The following SPPL2A variants were observed in gnomAD, a reference collection of about 807,000 sequenced individuals.
SPPL2A encodes the protein signal peptide peptidase like 2A, also known as signal peptide peptidase-like 2A.
A neutral mutation model predicts 63.8 loss-of-function variants in SPPL2A; 51 were observed. The ratio of observed to expected loss-of-function variants is 0.80; its 90% CI spans 0.64 to 1.01. The LOEUF is 1.01. Among genes scored for constraint, SPPL2A ranks in the 50% least tolerant of loss-of-function variants. SPPL2A has a pLI of 0.00. For missense variants in SPPL2A, 553 were observed against 622.7 expected, an observed-to-expected ratio of 0.89 and a Z score of 1.19; for synonymous variants, 188 against 205.8, an observed-to-expected ratio of 0.91 and a Z score of 0.74.
chr15:50,708,539 C>G (rs548957070), intron 14 of SPPL2A, among the ~76,000 whole-genome samples: 3 of 151,840 alleles, frequency 2.0e-5, no homozygotes, highest in Admixed American at 2.0e-4. Context: ...AACCCCGTCT[C>G]TAATAAAAAT....
chr15:50,761,921 G>T (rs2063014968), intron 1 of SPPL2A, among the ~76,000 whole-genome samples: 1 of 151,698 alleles, frequency 6.6e-6, no homozygotes, highest in Admixed American at 6.6e-5. Flanking sequence ...TACAGAGCAA[G>T]ACTCCATCTC....
At chr15:50,763,807 A>G (rs1188316393) in intron 1 of SPPL2A, among the ~76,000 whole-genome samples, 1 of 152,194 alleles carries the variant, frequency 6.6e-6, no homozygotes, top group Non-Finnish European at 1.5e-5. Flanking sequence ...CTGAGGCAGG[A>G]GAATTGCTTG....
intron 14 of SPPL2A, among the ~76,000 whole-genome samples, chr15:50,717,744 A>C (rs568644671): frequency 6.6e-5 from 10 of 152,120 alleles, no homozygotes; most frequent in South Asian, 2.1e-4. Context: ...GAGCCTCGGA[A>C]GACATGGTTC....
chr15:50,757,989 T>C (rs1416959851), intron 1 of SPPL2A, among the ~76,000 whole-genome samples: 3 of 61,330 alleles, frequency 4.9e-5, no homozygotes, highest in Non-Finnish European at 6.7e-5. Context: ...GTCTCAATTA[T>C]AAAAAAAAAA....
Position 50,705,392 on chromosome 15 carries a change from ATT to A in SPPL2A, c.*2406_*2407del. ...CTCATTTCGATGTAGTAAAAAAAAA[ATT>A]TTCTTTAACATTCTTCATAAAATGT... is the stretch of plus-strand genomic sequence containing the variant. On this transcript the variant is annotated 3_prime_UTR_variant, in exon 15 of 15. Transcript: ENST00000261854. 6.6e-6 allele frequency: 1 copy of A among 152,208 alleles called. No individual in the cohort carries two copies. The highest frequency in any genetic ancestry group is 2.4e-5 in the African/African-American group (1 of 41,542). The allele number at this position is 152,208 out of a possible 1,614,324, so 9.4% of individuals were successfully genotyped here.
chr15:50,728,668 G>T (rs1186235988), intron 10 of SPPL2A, among the ~76,000 whole-genome samples: 1 of 151,250 alleles, frequency 6.6e-6, no homozygotes, highest in Non-Finnish European at 1.5e-5. Flanking sequence ...TTTTGAAACG[G>T]AGTCTCACTC....
chr15:50,706,345 C>G lies in SPPL2A; in HGVS notation c.*1455G>C, dbSNP rs1195251122. The G allele has an allele frequency of 2.1e-5, 3 of 144,800 alleles. No homozygotes were observed. Among genetic ancestry groups the G allele is most frequent in the African/African-American group, 5.1e-5 (2 of 39,498 alleles). The allele number at this position is 144,800 out of a possible 1,614,324, so 9.0% of individuals were successfully genotyped here. On this transcript the variant is annotated 3_prime_UTR_variant, in exon 15 of 15. Coordinates refer to ENST00000261854, the MANE Select transcript of SPPL2A (RefSeq NM_032802.4). ...GCGGAGCTTGCAGTGAGCCGAGATC[C>G]CGCCACTGCACTCCAGCCTGGGCGA...
intron 8 of SPPL2A, 115 bp from the exon 9 acceptor site, chr15:50,732,799 T>A: frequency 1.5e-6 from 1 of 663,864 alleles, no homozygotes; most frequent in South Asian, 2.0e-5. Flanking sequence ...TATTCCTTTT[T>A]TTTTTTTAAG....
chr15:50,727,968 G>A lies in SPPL2A; in HGVS notation c.1090-1591C>T, dbSNP rs115146721. ...GGAACTAAGATAGAAATAGGAAGAC[G>A]AAAAATTTCTTAAGCACAAAAGAAA... On this transcript the variant is annotated intron_variant, in intron 10 of 14. Transcript: ENST00000261854. Among the ~76,000 whole-genome samples the A allele has an allele frequency of 5.9e-3, 904 of 152,208 alleles. 15 individuals carry two copies. The highest frequency in any genetic ancestry group is 0.021 in the African/African-American group (869 of 41,540).
intron 11 of SPPL2A, among the ~76,000 whole-genome samples, chr15:50,725,705 A>G (rs1371019304): frequency 1.3e-5 from 2 of 152,210 alleles, no homozygotes; most frequent in Non-Finnish European, 2.9e-5. Flanking sequence ...TGCTGGTATT[A>G]CAGGCATGAG....
Position 50,719,977 on chromosome 15 carries a change from T to A in SPPL2A, c.1451A>T (p.Lys484Met), listed in dbSNP as rs1567151487. 1 of 1,613,718 alleles carries A rather than the reference T, an allele frequency of 6.2e-7. No homozygotes were observed. The highest frequency in any genetic ancestry group is 8.5e-7 in the Non-Finnish European group (1 of 1,179,830). The change falls in exon 14 of 15, where the codon AAG (lysine) becomes ATG (methionine). Residue 484 changes from lysine to methionine, a missense_variant. Physicochemically the swap from Lys to Met is moderately conservative, Grantham distance 95. Coordinates refer to ENST00000261854, the MANE Select transcript of SPPL2A (RefSeq NM_032802.4). ...ITASVVAWRR[K>M]EMKKFWKGNS... Reference sequence around the variant, plus strand: ...ACCTTTCCAGAACTTTTTCATTTCCTTACGTCTCCAGGCAACAACTGAGGC... The same window carrying A: ...ACCTTTCCAGAACTTTTTCATTTCCATACGTCTCCAGGCAACAACTGAGGC...
intron 14 of SPPL2A, among the ~76,000 whole-genome samples, chr15:50,708,701 T>C (rs12913494): frequency 0.14 from 14,049 of 98,370 alleles, 747 homozygotes; most frequent in South Asian, 0.2. Context: ...TGAGACTCTG[T>C]CAAAAAAAAA....
chr15:50,736,633 G>C lies in SPPL2A; in HGVS notation c.830+11C>G. The stretch of plus-strand genomic sequence containing the variant: ...ACCAACATTATAAGATTTCCTGTAA[G>C]AGATACGTACGTGCATTGTCCATAT... On this transcript the variant is annotated intron_variant, in intron 7 of 14. Transcript: ENST00000261854. The C allele has an allele frequency of 7.1e-7, 1 of 1,416,570 alleles. No homozygotes were observed. The highest frequency in any genetic ancestry group is 9.9e-7 in the Non-Finnish European group (1 of 1,014,010). The allele number at this position is 1,416,570 out of a possible 1,614,324, so 87.8% of individuals were successfully genotyped here.
Position 50,707,443 on chromosome 15 carries a change from C to T in SPPL2A, c.*357G>A, listed in dbSNP as rs2062519185. On this transcript the variant is annotated 3_prime_UTR_variant, in exon 15 of 15. Coordinates refer to ENST00000261854, the MANE Select transcript of SPPL2A (RefSeq NM_032802.4). Reference sequence around the variant, plus strand: ...ATTTGCATAATTCTTTACAGTAAAACCCATTCAGAAATAGTAACTACTTGT... The same window carrying T: ...ATTTGCATAATTCTTTACAGTAAAATCCATTCAGAAATAGTAACTACTTGT... 5.9e-6 allele frequency: 1 copy of T among 169,822 alleles called. No homozygotes were observed. Among genetic ancestry groups the T allele is most frequent in the Admixed American group, 6.1e-5 (1 of 16,400 alleles). 10.5% of individuals were successfully genotyped at this position (169,822 alleles called of 1,614,324 possible).
At chr15:50,747,805 T>C (rs1296979290) in intron 4 of SPPL2A, among the ~76,000 whole-genome samples, 177 bp from the exon 5 acceptor site, 1 of 152,240 alleles carries the variant, frequency 6.6e-6, no homozygotes, top group African/African-American at 2.4e-5. Flanking sequence ...TGATATGCTT[T>C]GGTTTATAAA....
chr15:50,755,015 C>A (rs2062943546), intron 1 of SPPL2A, among the ~76,000 whole-genome samples: 1 of 148,850 alleles, frequency 6.7e-6, no homozygotes, highest in South Asian at 2.1e-4. Flanking sequence ...ACAAAAACAA[C>A]AACAAAAAAA....
intron 5 of SPPL2A, among the ~76,000 whole-genome samples, chr15:50,742,303 T>C (rs972813231): frequency 6.6e-6 from 1 of 151,984 alleles, no homozygotes; most frequent in Non-Finnish European, 1.5e-5. Flanking sequence ...GGCAGGAGAA[T>C]TGCTTGAACC....
At position 50,748,097 on chromosome 15, in the gene SPPL2A, G is replaced by A. The variant is rs756662875; in HGVS notation, c.450+16C>T. Reference sequence around the variant, plus strand: ...AGTATTTATAAACTTTATCTAATATGTAATTGCTAATTTACCTGGTTCATA... The same window carrying A: ...AGTATTTATAAACTTTATCTAATATATAATTGCTAATTTACCTGGTTCATA... On this transcript the variant is annotated intron_variant, in intron 4 of 14. Coordinates refer to ENST00000261854, the MANE Select transcript of SPPL2A (RefSeq NM_032802.4). 67 of 1,052,544 alleles carry A rather than the reference G, an allele frequency of 6.4e-5. No individual in the cohort carries two copies. Among genetic ancestry groups the A allele is most frequent in the Non-Finnish European group, 8.3e-5 (62 of 742,548 alleles). 65.2% of individuals were successfully genotyped at this position (1,052,544 alleles called of 1,614,324 possible).
Position 50,765,588 on chromosome 15 carries a change from G to T in SPPL2A, c.-55C>A. 8.0e-7 allele frequency: 1 copy of T among 1,243,400 alleles called. No homozygotes were observed. Among genetic ancestry groups the T allele is most frequent in the Non-Finnish European group, 1.0e-6 (1 of 962,048 alleles). 77.0% of individuals were successfully genotyped at this position (1,243,400 alleles called of 1,614,324 possible). A position where few individuals can be genotyped will look rare whatever the true frequency, so the allele number is the denominator to read the frequency against. On this transcript the variant is annotated 5_prime_UTR_variant, in exon 1 of 15. Transcript: ENST00000261854. The stretch of plus-strand genomic sequence containing the variant: ...CGGTGCGGCGCAGCTCACTCGGCGG[G>T]GTAGGCTCGGAGTCCCGCCGCTGCG...
Sources: allele counts gnomAD v4.1 joint callset (sites outside exome capture counted in the v4.1 genomes callset), GRCh38; gene constraint gnomAD v4.1.1; transcripts MANE v1.5; gene names NCBI Gene and HGNC (gene_info 2026-07-23, HGNC 2026-07-21).